GIMAP1: variants seen among roughly 807,000 people sequenced by gnomAD.
The protein encoded by GIMAP1 is GTPase, IMAP family member 1.
For synonymous variants in GIMAP1, 230 were observed against 187.7 expected, an observed-to-expected ratio of 1.23 and a Z score of -1.84; for missense variants, 423 against 411.9, an observed-to-expected ratio of 1.03 and a Z score of -0.23.
chr7:150,720,435 T>C lies in GIMAP1; in HGVS notation c.431T>C (p.Leu144Pro). ...AGGGACATGTTCGGGGAGGACGTCCTAAAATGGATGGTCATCGTCTTCACC... is the reference window on the plus strand; with the variant it reads ...AGGGACATGTTCGGGGAGGACGTCCCAAAATGGATGGTCATCGTCTTCACC... ...QVRDMFGEDV[L>P]KWMVIVFTRK... Residue 144 changes from leucine to proline, a missense_variant, in exon 3 of 3, where the codon CTA becomes CCA. Coordinates refer to ENST00000307194, the MANE Select transcript of GIMAP1 (RefSeq NM_130759.4). This position sits in a 1 kb window ranked among gnomAD's most constrained non-coding sequence, Gnocchi z 4.5. 1 of 1,574,348 alleles carries C rather than the reference T, an allele frequency of 6.4e-7. No homozygotes were observed. Among genetic ancestry groups the C allele is most frequent in the Non-Finnish European group, 8.6e-7 (1 of 1,158,666 alleles).
rs151144214 is a variant in GIMAP1 at position 150,720,222 on chromosome 7, G to C, written c.218G>C (p.Trp73Ser). The C allele has an allele frequency of 5.5e-5, 88 of 1,614,184 alleles. 1 individual carries two copies. In the African/African-American group the frequency reaches 1.1e-3, roughly 21 times the overall value. ...GCCTGCACCACGGGCAGCCGCAGGT[G>C]GGACAAGTGCCACGTGGAAGTCGTG... Reference protein sequence around the residue: ...TRACTTGSRRWDKCHVEVVDT... With the variant: ...TRACTTGSRRSDKCHVEVVDT... The change falls in exon 3 of 3, where the codon TGG becomes TCG. Residue 73 changes from tryptophan to serine, a missense_variant. Coordinates refer to ENST00000307194, the MANE Select transcript of GIMAP1 (RefSeq NM_130759.4). This position sits in a 1 kb window ranked among gnomAD's most constrained non-coding sequence, Gnocchi z 4.5.
At position 150,722,234 on chromosome 7, in the gene GIMAP1, T is replaced by A. The variant is rs1797316211; in HGVS notation, c.*1309T>A. ...AGACATGGGAAGCAGGTATTCACAT[T>A]AGCTCTATTCAAGAGGAAGAGGAGG... is the stretch of plus-strand genomic sequence containing the variant. On this transcript the variant is annotated 3_prime_UTR_variant, in exon 3 of 3. Coordinates refer to ENST00000307194, the MANE Select transcript of GIMAP1 (RefSeq NM_130759.4). 6.6e-6 allele frequency: 1 copy of A among 152,306 alleles called. No individual in the cohort carries two copies. The highest frequency in any genetic ancestry group is 2.4e-5 in the African/African-American group (1 of 41,442). The allele number at this position is 152,306 out of a possible 1,614,324, so 9.4% of individuals were successfully genotyped here.
At chr7:150,719,196 T>C (rs1797258170) in intron 2 of GIMAP1, 106 bp downstream of exon 2, 1 of 1,446,728 alleles carries the variant, frequency 6.9e-7, no homozygotes, top group African/African-American at 1.4e-5. Context: ...GTTCCAGAGG[T>C]GTCTCAACTC....
At chr7:150,718,716 A>G (rs924194688) in intron 1 of GIMAP1, among the ~76,000 whole-genome samples, 1 of 152,224 alleles carries the variant, frequency 6.6e-6, no homozygotes. Context: ...ATGTTCTCAC[A>G]GCATCCTACC....
rs1797276516 is a variant in GIMAP1 at position 150,720,226 on chromosome 7, C to T, written c.222C>T (p.Asp74=). ...GCACCACGGGCAGCCGCAGGTGGGA[C>T]AAGTGCCACGTGGAAGTCGTGGACA... The part of the protein sequence containing the change: ...RACTTGSRRW[D]KCHVEVVDTP... Residue 74 remains aspartate (D), a synonymous_variant, in exon 3 of 3, where the codon GAC becomes GAT. Coordinates refer to ENST00000307194, the MANE Select transcript of GIMAP1 (RefSeq NM_130759.4). The surrounding 1 kb of genome is among the most constrained non-coding windows in gnomAD (Gnocchi z 4.5). 1 of 1,614,072 alleles carries T rather than the reference C, an allele frequency of 6.2e-7. No individual in the cohort carries two copies. The highest frequency in any genetic ancestry group is 1.1e-5 in the South Asian group (1 of 91,092).
At position 150,721,558 on chromosome 7, in the gene GIMAP1, C is replaced by T. The variant is rs1797303392; in HGVS notation, c.*633C>T. ...GGGCGAGGTGGCTCACGCCTGTAAT[C>T]CCAACACTTTGGGAGGTCGAGGCAG... is the stretch of plus-strand genomic sequence containing the variant. On this transcript the variant is annotated 3_prime_UTR_variant, in exon 3 of 3. Transcript: ENST00000307194. The T allele has an allele frequency of 6.6e-6, 1 of 152,230 alleles. No individual in the cohort carries two copies. Among genetic ancestry groups the T allele is most frequent in the South Asian group, 2.1e-4 (1 of 4,830 alleles). The allele number at this position is 152,230 out of a possible 1,614,324, so 9.4% of individuals were successfully genotyped here.
chr7:150,720,880 C>A lies in GIMAP1; in HGVS notation c.876C>A (p.Leu292=), dbSNP rs372250167. The A allele has an allele frequency of 3.0e-5, 48 of 1,599,180 alleles. No homozygotes were observed. The African/African-American group carries it at 6.2e-4, about 21-fold the overall frequency. The change falls in exon 3 of 3, where the codon CTC becomes CTA. Residue 292 remains leucine, a synonymous_variant. Transcript: ENST00000307194. This position sits in a 1 kb window ranked among gnomAD's most constrained non-coding sequence, Gnocchi z 4.5. Reference sequence around the variant, plus strand: ...GCGCGCTCCTGTTCTGGGTGCTGCTCCACAGGCGGTGGTCGGAGGCCGTTG... The same window carrying A: ...GCGCGCTCCTGTTCTGGGTGCTGCTACACAGGCGGTGGTCGGAGGCCGTTG... ...LGGALLFWVL[L]HRRWSEAVAE...
intron 2 of GIMAP1, chr7:150,719,336 C>A: frequency 1.9e-6 from 1 of 532,936 alleles, no homozygotes; most frequent in Non-Finnish European, 3.3e-6. Context: ...CTACTCCGAT[C>A]ACCGCAGAAG....
intron 1 of GIMAP1, 64 bp from the exon 2 acceptor site, chr7:150,718,962 GGTGGTTATGCCTATTT>G (rs61173671): frequency 0.46 from 725,485 of 1,589,098 alleles, 170,281 homozygotes; most frequent in African/African-American, 0.77. Flanking sequence ...ACACCCTGTA[GGTGGTTATGCCTATTT>G]GTGGTTATGC....
In GIMAP1 at chr7:150,720,307, A is replaced by C; in HGVS notation, c.303A>C (p.Arg101Ser). ...VSKTDPGCEERGHCYLLSAPG... is the reference protein window; with the variant it reads ...VSKTDPGCEESGHCYLLSAPG... The stretch of plus-strand genomic sequence containing the variant: ...AGACAGATCCTGGCTGTGAGGAGAG[A>C]GGTCACTGCTACCTGCTCTCGGCCC... Residue 101 changes from arginine (R) to serine (S), a missense_variant, in exon 3 of 3, where the codon AGA becomes AGC. Physicochemically the swap from Arg to Ser is moderately radical, Grantham distance 110. Coordinates refer to ENST00000307194, the MANE Select transcript of GIMAP1 (RefSeq NM_130759.4). This position sits in a 1 kb window ranked among gnomAD's most constrained non-coding sequence, Gnocchi z 4.5. The C allele has an allele frequency of 1.2e-6, 2 of 1,614,184 alleles. No homozygotes were observed. The highest frequency in any genetic ancestry group is 3.3e-5 in the Admixed American group (2 of 60,028).
chr7:150,721,029 C>A lies in GIMAP1; in HGVS notation c.*104C>A. ...ACGGAAGGAATCCTGTAGTTTCAGG[C>A]ATAGTTTTAATGACACAGAAAACTT... is the stretch of plus-strand genomic sequence containing the variant. On this transcript the variant is annotated 3_prime_UTR_variant, in exon 3 of 3. Coordinates refer to ENST00000307194, the MANE Select transcript of GIMAP1 (RefSeq NM_130759.4). 2 of 1,145,950 alleles carry A rather than the reference C, an allele frequency of 1.7e-6. No homozygotes were observed. Among genetic ancestry groups the A allele is most frequent in the Non-Finnish European group, 2.3e-6 (2 of 854,926 alleles). 71.0% of individuals were successfully genotyped at this position (1,145,950 alleles called of 1,614,324 possible). A position where few individuals can be genotyped will look rare whatever the true frequency, so the allele number is the denominator to read the frequency against.
intron 1 of GIMAP1, among the ~76,000 whole-genome samples, chr7:150,718,676 T>C (rs1563364593): frequency 6.6e-6 from 1 of 152,142 alleles, no homozygotes; most frequent in African/African-American, 2.4e-5. Context: ...GCTTTTGGAG[T>C]TCCTGAAAAG....
At chr7:150,717,615 A>C (rs1797236382) in intron 1 of GIMAP1, among the ~76,000 whole-genome samples, 1 of 152,218 alleles carries the variant, frequency 6.6e-6, no homozygotes, top group Admixed American at 6.5e-5. Context: ...AACTATGGAA[A>C]ATTCCAAAGG....
intron 1 of GIMAP1, among the ~76,000 whole-genome samples, chr7:150,718,451 C>A (rs1339840306): frequency 5.9e-5 from 9 of 152,098 alleles, no homozygotes; most frequent in Admixed American, 5.9e-4. Context: ...AGAAAAATCC[C>A]AATTTTCTTC....
At position 150,721,381 on chromosome 7, in the gene GIMAP1, C is replaced by A. The variant is rs139901116; in HGVS notation, c.*456C>A. On this transcript the variant is annotated 3_prime_UTR_variant, in exon 3 of 3. Coordinates refer to ENST00000307194, the MANE Select transcript of GIMAP1 (RefSeq NM_130759.4). Reference sequence around the variant, plus strand: ...ATAAAAGAAATGTGGGGGTTACACACGTGAATGTTACTTCTGAGACATCAG... The same window carrying A: ...ATAAAAGAAATGTGGGGGTTACACAAGTGAATGTTACTTCTGAGACATCAG... 2.3e-3 allele frequency: 354 copies of A among 154,252 alleles called. 2 individuals carry two copies. Among genetic ancestry groups the A allele is most frequent in the African/African-American group, 8.2e-3 (339 of 41,592 alleles). The allele number at this position is 154,252 out of a possible 1,614,324, so 9.6% of individuals were successfully genotyped here.
In GIMAP1 at chr7:150,723,617, G is replaced by A. The variant is rs1180961605; in HGVS notation, c.*2692G>A. On this transcript the variant is annotated 3_prime_UTR_variant, in exon 3 of 3. Coordinates refer to ENST00000307194, the MANE Select transcript of GIMAP1 (RefSeq NM_130759.4). ...GGTTGCTTTTTCCCCCATAGCTCAA[G>A]GTTAGGCCTTGTGACCTCACTTATG... 1 of 152,080 alleles carries A rather than the reference G, an allele frequency of 6.6e-6. No individual in the cohort carries two copies. Among genetic ancestry groups the A allele is most frequent in the Non-Finnish European group, 1.5e-5 (1 of 68,024 alleles). The allele number at this position is 152,080 out of a possible 1,614,324, so 9.4% of individuals were successfully genotyped here.
Position 150,720,860 on chromosome 7 carries a change from CTCCTGTTCTGGG to C in GIMAP1, c.858_869del (p.Phe288_Leu291del). On this transcript the variant is annotated inframe_deletion, in exon 3 of 3. Transcript: ENST00000307194. This position sits in a 1 kb window ranked among gnomAD's most constrained non-coding sequence, Gnocchi z 4.5. The stretch of plus-strand genomic sequence containing the variant: ...CCTGGCCCTGCTGCTGGGGGGCGCG[CTCCTGTTCTGGG>C]TGCTGCTCCACAGGCGGTGGTCGGA... 6.2e-7 allele frequency: 1 copy of C among 1,605,510 alleles called. No homozygotes were observed. Among genetic ancestry groups the C allele is most frequent in the East Asian group, 2.2e-5 (1 of 44,830 alleles).
rs1269206464 is a variant in GIMAP1 at position 150,724,134 on chromosome 7, C to A, written c.*3209C>A. ...CCCCAGAAGAGAATTTCTGTAAATT[C>A]TTGGGGAAGCTATAGCTAGACTATG... On this transcript the variant is annotated 3_prime_UTR_variant, in exon 3 of 3. Coordinates refer to ENST00000307194, the MANE Select transcript of GIMAP1 (RefSeq NM_130759.4). 5 of 152,034 alleles carry A rather than the reference C, an allele frequency of 3.3e-5. No individual in the cohort carries two copies. Among genetic ancestry groups the A allele is most frequent in the African/African-American group, 1.2e-4 (5 of 41,386 alleles). 9.4% of individuals were successfully genotyped at this position (152,034 alleles called of 1,614,324 possible). A position where few individuals can be genotyped will look rare whatever the true frequency, so the allele number is the denominator to read the frequency against.
chr7:150,719,936 C>T (rs1797270805), intron 2 of GIMAP1, 112 bp from the exon 3 acceptor site: 1 of 1,397,916 alleles, frequency 7.2e-7, no homozygotes. Context: ...GAAATGAACG[C>T]CCAGGCGTTC....
Sources: allele counts gnomAD v4.1 joint callset (sites outside exome capture counted in the v4.1 genomes callset), GRCh38; gene constraint gnomAD v4.1.1; non-coding constraint Gnocchi (gnomAD v3.1); transcripts MANE v1.5; gene names NCBI Gene and HGNC (gene_info 2026-07-23, HGNC 2026-07-21).